The following GNAS-AS1 variants were observed in gnomAD, a reference collection of about 807,000 sequenced individuals.
The protein encoded by GNAS-AS1 is GNAS antisense RNA 1.
chr20:58,832,059 T>C (rs1381683978), intron 4 of GNAS-AS1, among the ~76,000 whole-genome samples: 1 of 152,170 alleles, frequency 6.6e-6, no homozygotes, highest in Non-Finnish European at 1.5e-5. Flanking sequence ...TTTGCCTGAG[T>C]AGGCTGCTGG....
chr20:58,830,789 G>A (rs1046799680), intron 4 of GNAS-AS1, among the ~76,000 whole-genome samples: 1 of 150,904 alleles, frequency 6.6e-6, no homozygotes, highest in African/African-American at 2.4e-5. Context: ...AGCAGAAGGA[G>A]GCAAGATTTA....
intron 4 of GNAS-AS1, chr20:58,819,262 A>G (rs2085469197): frequency 2.5e-6 from 1 of 398,612 alleles, no homozygotes; most frequent in Non-Finnish European, 4.4e-6. Context: ...GACCCTTGGG[A>G]GCAGACAGGT....
At chr20:58,825,628 G>A (rs535786681) in intron 4 of GNAS-AS1, among the ~76,000 whole-genome samples, 5 of 152,306 alleles carry the variant, frequency 3.3e-5, no homozygotes, top group Admixed American at 6.5e-5. Context: ...GGCAAAAACC[G>A]TGAAGGTGGT....
At chr20:58,826,238 T>C (rs1175541912) in intron 4 of GNAS-AS1, 2 of 395,546 alleles carry the variant, frequency 5.1e-6, no homozygotes, top group African/African-American at 4.1e-5. Context: ...TGACTGAACA[T>C]ATACATTTTT....
chr20:58,837,181 C>G (rs1041400162), intron 4 of GNAS-AS1, among the ~76,000 whole-genome samples: 1 of 152,144 alleles, frequency 6.6e-6, no homozygotes, highest in Non-Finnish European at 1.5e-5. Context: ...TTTCCCCCAA[C>G]GTGCCCTGAA....
intron 4 of GNAS-AS1, among the ~76,000 whole-genome samples, chr20:58,823,533 C>G (rs6015383): frequency 0.62 from 94,653 of 152,128 alleles, 30,668 homozygotes; most frequent in African/African-American, 0.67. Flanking sequence ...CTCCATCCCC[C>G]CCGTCTCCCG....
Position 58,828,129 on chromosome 20 carries a change from T to A in GNAS-AS1, n.820-8874A>T, listed in dbSNP as rs540461205. 2.6e-5 allele frequency among the ~76,000 whole-genome samples: 4 copies of A among 152,270 alleles called. No individual in the cohort carries two copies. The East Asian group carries it at 7.7e-4, about 29-fold the overall frequency. On this transcript the variant is annotated intron_variant and non_coding_transcript_variant, in intron 4 of 4. Coordinates refer to ENST00000424094, the Ensembl canonical transcript of GNAS-AS1. Reference sequence around the variant, plus strand: ...TGGAACAACCAAGAGAAAAAGAGAGTGCCACCAAGTCCTACTGGCTTTAGC... The same window carrying A: ...TGGAACAACCAAGAGAAAAAGAGAGAGCCACCAAGTCCTACTGGCTTTAGC...
chr20:58,835,740 G>A (rs999687213), intron 4 of GNAS-AS1, among the ~76,000 whole-genome samples: 2 of 152,216 alleles, frequency 1.3e-5, no homozygotes, highest in Admixed American at 6.5e-5. Context: ...TCCCCACAGT[G>A]CCCGGAATAG....
At chr20:58,848,807 C>G in intron 2 of GNAS-AS1, 1 of 398,304 alleles carries the variant, frequency 2.5e-6, no homozygotes, top group Non-Finnish European at 4.4e-6. Flanking sequence ...TGGGTCAACT[C>G]CTCGAACATT....
intron 4 of GNAS-AS1, chr20:58,839,411 G>T (rs2085644782): frequency 1.8e-5 from 7 of 399,414 alleles, no homozygotes; most frequent in Non-Finnish European, 2.6e-5. Context: ...TGGGTTTTTA[G>T]CTGCTCCCAG....
intron 4 of GNAS-AS1, among the ~76,000 whole-genome samples, chr20:58,826,454 C>T (rs1038438612): frequency 2.0e-5 from 3 of 152,040 alleles, no homozygotes; most frequent in South Asian, 2.1e-4. Context: ...ATGCCTACGA[C>T]GAGTGGGCAG....
intron 4 of GNAS-AS1, among the ~76,000 whole-genome samples, chr20:58,822,882 G>A (rs1017701057): frequency 3.3e-5 from 5 of 152,164 alleles, no homozygotes; most frequent in South Asian, 2.1e-4. Context: ...TGCTCCCTAC[G>A]TGTTCCCGAC....
chr20:58,834,017 T>C (rs2085585071), intron 4 of GNAS-AS1: 1 of 152,316 alleles, frequency 6.6e-6, no homozygotes, highest in East Asian at 1.9e-4. Context: ...TAATCATATT[T>C]TGAAGAGCTC....
chr20:58,841,727 T>TTGAAC lies in GNAS-AS1; in HGVS notation n.819+205_819+209dup. On this transcript the variant is annotated intron_variant and non_coding_transcript_variant, in intron 4 of 4. Coordinates refer to ENST00000424094, the Ensembl canonical transcript of GNAS-AS1. The surrounding 1 kb of genome is among the most constrained non-coding windows in gnomAD (Gnocchi z 5.0). ...GGGATGCCCCTACGGGCTACCAGGG[T>TTGAAC]TGAACGCACAGGCATGGTCACGTCG... is the stretch of plus-strand genomic sequence containing the variant. 1 of 1,223,006 alleles carries TTGAAC rather than the reference T, an allele frequency of 8.2e-7. No individual in the cohort carries two copies. The highest frequency in any genetic ancestry group is 1.0e-6 in the Non-Finnish European group (1 of 982,768). The allele number at this position is 1,223,006 out of a possible 1,614,324, so 75.8% of individuals were successfully genotyped here. A position where few individuals can be genotyped will look rare whatever the true frequency, so the allele number is the denominator to read the frequency against.
chr20:58,839,600 A>G, intron 4 of GNAS-AS1: 1 of 409,042 alleles, frequency 2.4e-6, no homozygotes. Flanking sequence ...CCCTCCTGCC[A>G]CCTGCCGGCC....
chr20:58,829,326 C>T (rs1029546450), intron 4 of GNAS-AS1, among the ~76,000 whole-genome samples: 2 of 152,230 alleles, frequency 1.3e-5, no homozygotes, highest in Admixed American at 1.3e-4. Flanking sequence ...CAGCTACTAT[C>T]AACTCTAGCT....
intron 4 of GNAS-AS1, chr20:58,834,817 G>A (rs868418210): frequency 1.3e-5 from 2 of 152,164 alleles, no homozygotes; most frequent in Admixed American, 6.5e-5. Flanking sequence ...CTGATCCTAC[G>A]CCCTTTAAAA....
chr20:58,819,934 G>C (rs1056610916), intron 4 of GNAS-AS1, among the ~76,000 whole-genome samples: 5 of 152,200 alleles, frequency 3.3e-5, no homozygotes, highest in Admixed American at 6.5e-5. Context: ...CCAGGGCAAA[G>C]GGGTCCTCGC....
chr20:58,850,479 T>C, intron 1 of GNAS-AS1: 1 of 398,240 alleles, frequency 2.5e-6, no homozygotes, highest in Non-Finnish European at 4.4e-6. Context: ...ACAACCCCTT[T>C]GGAGCACCCA....
Sources: allele counts gnomAD v4.1 joint callset (sites outside exome capture counted in the v4.1 genomes callset), GRCh38; gene constraint gnomAD v4.1.1; non-coding constraint Gnocchi (gnomAD v3.1); transcripts MANE v1.5; gene names NCBI Gene and HGNC (gene_info 2026-07-23, HGNC 2026-07-21).